CARM1: variants seen among roughly 807,000 people sequenced by gnomAD.
CARM1 encodes the protein coactivator associated arginine methyltransferase 1, also known as histone-arginine methyltransferase CARM1.
In CARM1, 14 loss-of-function variants were observed where a neutral mutation model predicts 72.7. The ratio of observed to expected loss-of-function variants is 0.19; its 90% CI spans 0.13 to 0.30. The LOEUF (loss-of-function observed/expected upper bound fraction) is 0.30. Ranked by LOEUF, CARM1 falls within the 10% of genes least tolerant of loss-of-function variation. The probability of loss-of-function intolerance (pLI) is 1.00; values close to 1 mark genes in which losing one functional copy is unlikely to be tolerated. For synonymous variants in CARM1, 333 were observed against 345.5 expected (o/e 0.96, Z 0.40); for missense variants, 432 against 833.7 (o/e 0.52, Z 5.93).
intron 1 of CARM1, among the ~76,000 whole-genome samples, chr19:10,890,269 G>GTTT (rs200303370): frequency 7.3e-6 from 1 of 136,140 alleles, no homozygotes; most frequent in Non-Finnish European, 1.6e-5. Flanking sequence ...TGTTTTGTTT[G>GTTT]TTTTTTTTTT....
chr19:10,904,764 G>A (rs780556430), intron 1 of CARM1, among the ~76,000 whole-genome samples, 187 bp from the exon 2 acceptor site: 5 of 152,200 alleles, frequency 3.3e-5, no homozygotes, highest in Admixed American at 6.5e-5. Context: ...CTGATCAGTC[G>A]CTCCCTTGTC....
At position 10,920,638 on chromosome 19, in the gene CARM1, C is replaced by T. The variant is rs376246979; in HGVS notation, c.1335-21C>T. The T allele has an allele frequency of 9.9e-6, 16 of 1,614,066 alleles. No homozygotes were observed. The highest frequency in any genetic ancestry group is 2.2e-5 in the East Asian group (1 of 44,880). ...TCCATCTGCCCAGCAGCTCATGCCA[C>T]GGCCTGCACCCTGTCCGCAGACAGA... is the stretch of plus-strand genomic sequence containing the variant. On this transcript the variant is annotated intron_variant, in intron 11 of 15. Coordinates refer to ENST00000327064, the MANE Select transcript of CARM1 (RefSeq NM_199141.2). This position sits in a 1 kb window ranked among gnomAD's most constrained non-coding sequence, Gnocchi z 5.3.
intron 2 of CARM1, among the ~76,000 whole-genome samples, chr19:10,905,610 C>T (rs530003503): frequency 1.2e-4 from 18 of 152,242 alleles, no homozygotes; most frequent in South Asian, 2.1e-4. Context: ...AAGGTCCCAC[C>T]GCAGGCTTGG....
chr19:10,922,227 C>G lies in CARM1; in HGVS notation c.*470C>G, dbSNP rs1023572684. ...TAATTTTATTTTTTTATGAAAAGAACCAGTGTCAATCCGCAGACCCTCTGT... is the reference window on the plus strand; with the variant it reads ...TAATTTTATTTTTTTATGAAAAGAAGCAGTGTCAATCCGCAGACCCTCTGT... On this transcript the variant is annotated 3_prime_UTR_variant, in exon 16 of 16. Coordinates refer to ENST00000327064, the MANE Select transcript of CARM1 (RefSeq NM_199141.2). The G allele has an allele frequency of 6.5e-6, 1 of 152,908 alleles. No homozygotes were observed. Among genetic ancestry groups the G allele is most frequent in the African/African-American group, 2.4e-5 (1 of 41,446 alleles). 9.5% of individuals were successfully genotyped at this position (152,908 alleles called of 1,614,324 possible).
chr19:10,878,374 C>T (rs2073878616), intron 1 of CARM1, among the ~76,000 whole-genome samples: 1 of 152,132 alleles, frequency 6.6e-6, no homozygotes, highest in South Asian at 2.1e-4. Context: ...AGTTTGGCCC[C>T]AGCCAAAAGA....
At position 10,909,115 on chromosome 19, in the gene CARM1, C is replaced by G. The variant is rs779696123; in HGVS notation, c.466C>G (p.Leu156Val). The G allele has an allele frequency of 6.2e-7, 1 of 1,613,184 alleles. No homozygotes were observed. The highest frequency in any genetic ancestry group is 1.3e-5 in the African/African-American group (1 of 74,918). ...AVQYFQFYGY[L>V]SQQQNMMQDY... is the part of the protein sequence containing the mutation. Reference sequence around the variant, plus strand: ...GTCTCTGTTCCAGTTTTATGGCTACCTGTCCCAGCAGCAGAACATGATGCA... The same window carrying G: ...GTCTCTGTTCCAGTTTTATGGCTACGTGTCCCAGCAGCAGAACATGATGCA... Residue 156 changes from leucine (L) to valine (V), a missense_variant, in exon 4 of 16, where the codon CTG becomes GTG. Physicochemically the swap from Leu to Val is conservative, Grantham distance 32. This residue lies in a region of CARM1 where 152 missense variants were observed against 452.8 expected (regional missense o/e 0.34). Transcript: ENST00000327064.
At chr19:10,899,356 G>A (rs1333334129) in intron 1 of CARM1, among the ~76,000 whole-genome samples, 3 of 152,240 alleles carry the variant, frequency 2.0e-5, no homozygotes, top group Admixed American at 1.3e-4. Flanking sequence ...GGGCCCACTT[G>A]CTGTCGCCCA....
rs544188745 is a variant in CARM1 at position 10,922,868 on chromosome 19, G to C, written c.*1111G>C. On this transcript the variant is annotated 3_prime_UTR_variant, in exon 16 of 16. Coordinates refer to ENST00000327064, the MANE Select transcript of CARM1 (RefSeq NM_199141.2). ...GCCCGCCGTGTGTGCACCCAGGCAG[G>C]AGCGGGCGCTGTCCAGGCTGGGCCG... 1 of 162,268 alleles carries C rather than the reference G, an allele frequency of 6.2e-6. No homozygotes were observed. The highest frequency in any genetic ancestry group is 1.3e-5 in the Non-Finnish European group (1 of 75,280). 10.1% of individuals were successfully genotyped at this position (162,268 alleles called of 1,614,324 possible). A position where few individuals can be genotyped will look rare whatever the true frequency, so the allele number is the denominator to read the frequency against.
chr19:10,901,087 T>G (rs2074061020), intron 1 of CARM1, among the ~76,000 whole-genome samples: 1 of 150,286 alleles, frequency 6.7e-6, no homozygotes, highest in Non-Finnish European at 1.5e-5. Context: ...ATTCAAGCAA[T>G]TCTCCCTGTC....
In CARM1 at chr19:10,904,961, G is replaced by T; in HGVS notation, c.231G>T (p.Val77=). 1 of 1,614,210 alleles carries T rather than the reference G, an allele frequency of 6.2e-7. No homozygotes were observed. Reference sequence around the variant, plus strand: ...TGTCTTCTCTCGTAGATGAAGATGTGTGTGTCTTTAAGTGCTCAGTGTCCC... The same window carrying T: ...TGTCTTCTCTCGTAGATGAAGATGTTTGTGTCTTTAAGTGCTCAGTGTCCC... ...AGIALYSHED[V]CVFKCSVSRE... The change falls in exon 2 of 16, where the codon GTG becomes GTT. Residue 77 remains valine, a synonymous_variant. Coordinates refer to ENST00000327064, the MANE Select transcript of CARM1 (RefSeq NM_199141.2).
At chr19:10,881,332 G>C (rs545283117) in intron 1 of CARM1, among the ~76,000 whole-genome samples, 1 of 152,160 alleles carries the variant, frequency 6.6e-6, no homozygotes, top group Non-Finnish European at 1.5e-5. Context: ...CCCTGATTTC[G>C]GTCAGCTTCT....
At position 10,913,974 on chromosome 19, in the gene CARM1, C is replaced by T. The variant is rs2074175127; in HGVS notation, c.767C>T (p.Ser256Leu). 6.2e-7 allele frequency: 1 copy of T among 1,613,640 alleles called. No individual in the cohort carries two copies. Among genetic ancestry groups the T allele is most frequent in the Admixed American group, 1.7e-5 (1 of 59,992 alleles). ...CCCGAGCAGGTGGACATCATCATCT[C>T]GGAGCCCATGGGCTACATGCTCTTC... ...SLPEQVDIII[S>L]EPMGYMLFNE... The change falls in exon 6 of 16, where the codon TCG becomes TTG. Residue 256 changes from serine (S) to leucine (L), a missense_variant. Ser to Leu is a moderately radical substitution (Grantham distance 145). This residue lies in a region of CARM1 where 152 missense variants were observed against 452.8 expected (regional missense o/e 0.34). Transcript: ENST00000327064.
intron 8 of CARM1, among the ~76,000 whole-genome samples, chr19:10,917,555 T>C (rs2074207855): frequency 6.6e-6 from 1 of 152,130 alleles, no homozygotes; most frequent in Admixed American, 6.6e-5. Context: ...TGGGAGACTC[T>C]TGGACTATCT....
chr19:10,874,668 A>G (rs1363233618), intron 1 of CARM1, among the ~76,000 whole-genome samples: 2 of 152,200 alleles, frequency 1.3e-5, no homozygotes, highest in Non-Finnish European at 2.9e-5. Flanking sequence ...CTGGAATTAC[A>G]GGCATGAGCC....
chr19:10,874,940 C>G (rs2073851722), intron 1 of CARM1, among the ~76,000 whole-genome samples: 1 of 151,470 alleles, frequency 6.6e-6, no homozygotes, highest in African/African-American at 2.4e-5. Context: ...GGGAGGATCG[C>G]TTGAACCAGG....
chr19:10,878,242 A>T (rs1243854000), intron 1 of CARM1, among the ~76,000 whole-genome samples: 2 of 152,194 alleles, frequency 1.3e-5, no homozygotes, highest in Non-Finnish European at 2.9e-5. Flanking sequence ...AAACAACAAT[A>T]ATCAGTTGAG....
intron 1 of CARM1, among the ~76,000 whole-genome samples, chr19:10,875,024 A>G (rs1017782864): frequency 7.1e-6 from 1 of 141,220 alleles, no homozygotes; most frequent in African/African-American, 2.6e-5. Context: ...ACCCTGTCTG[A>G]AAAAAAAAAA....
At chr19:10,881,774 T>C (rs2073903912) in intron 1 of CARM1, among the ~76,000 whole-genome samples, 1 of 152,078 alleles carries the variant, frequency 6.6e-6, no homozygotes. Flanking sequence ...GCCGTCTCCA[T>C]AGTGCGGTAG....
intron 1 of CARM1, among the ~76,000 whole-genome samples, chr19:10,875,336 T>G (rs2073854811): frequency 6.6e-6 from 1 of 152,140 alleles, no homozygotes. Flanking sequence ...TTTTTCCTTT[T>G]TTTTTTAAAG....
Sources: gnomAD v4.1 joint callset for allele counts (sites outside exome capture counted in the v4.1 genomes callset) on GRCh38, gnomAD v4.1.1 for gene constraint, gnomAD v4.1.1 regional missense constraint, Gnocchi (gnomAD v3.1) non-coding constraint, MANE v1.5 for transcripts, NCBI Gene and HGNC (gene_info 2026-07-23, HGNC 2026-07-21) for gene names.